The following IMMP2L variants were observed in gnomAD, a reference collection of about 807,000 sequenced individuals.
The protein encoded by IMMP2L is mitochondrial inner membrane protease subunit 2.
IMMP2L carries 18 observed loss-of-function variants against 19.3 expected under a neutral mutation model. That is an observed-to-expected ratio of 0.93 (90% confidence interval 0.64 to 1.38). The LOEUF (loss-of-function observed/expected upper bound fraction) is 1.38. Among genes scored for constraint, IMMP2L ranks in the 40% most tolerant of loss-of-function variants. IMMP2L has a pLI of 0.00. For missense variants in IMMP2L, 233 were observed against 218.2 expected, an observed-to-expected ratio of 1.07 and a Z score of -0.43; for synonymous variants, 76 against 73.0, an observed-to-expected ratio of 1.04 and a Z score of -0.21.
At chr7:111,474,743 T>C (rs1841573634) in intron 3 of IMMP2L, among the ~76,000 whole-genome samples, 2 of 152,132 alleles carry the variant, frequency 1.3e-5, no homozygotes, top group Admixed American at 1.3e-4. Flanking sequence ...TTCTTTACCT[T>C]CTTGCAACTC....
At chr7:110,845,367 G>A (rs1359402932) in intron 5 of IMMP2L, among the ~76,000 whole-genome samples, 1 of 152,142 alleles carries the variant, frequency 6.6e-6, no homozygotes, top group African/African-American at 2.4e-5. Context: ...GACAAAGGGA[G>A]TAGGATAGAG....
intron 4 of IMMP2L, among the ~76,000 whole-genome samples, chr7:110,925,726 G>A (rs559483302): frequency 6.6e-6 from 1 of 152,180 alleles, no homozygotes; most frequent in African/African-American, 2.4e-5. Flanking sequence ...ACAAAGAAAA[G>A]AGTAGACTGC....
Position 111,362,071 on chromosome 7 carries a change from T to C in IMMP2L, c.239+125167A>G, listed in dbSNP as rs575547200. Among the ~76,000 whole-genome samples the C allele has an allele frequency of 7.0e-4, 107 of 152,190 alleles. 1 individual carries two copies. The Middle Eastern group carries it at 0.021, about 29-fold the overall frequency. On this transcript the variant is annotated intron_variant, in intron 3 of 5. Transcript: ENST00000405709. Reference sequence around the variant, plus strand: ...CTGCCATTTTTATATAAAACTGTTATACCAGTCTTTTAAGAGTACCAAAGA... The same window carrying C: ...CTGCCATTTTTATATAAAACTGTTACACCAGTCTTTTAAGAGTACCAAAGA...
At chr7:110,846,328 C>T (rs1209674653) in intron 5 of IMMP2L, among the ~76,000 whole-genome samples, 2 of 150,342 alleles carry the variant, frequency 1.3e-5, no homozygotes, top group African/African-American at 2.4e-5. Flanking sequence ...TGCTTCACAG[C>T]GTCTCTCCAA....
At chr7:111,125,025 A>G in intron 3 of IMMP2L, 1 of 727,742 alleles carries the variant, frequency 1.4e-6, no homozygotes, top group Non-Finnish European at 2.2e-6. Context: ...CTTTCGAGAG[A>G]GAAGTTTAAG....
At chr7:111,435,393 G>A (rs1408395687) in intron 3 of IMMP2L, among the ~76,000 whole-genome samples, 1 of 151,842 alleles carries the variant, frequency 6.6e-6, no homozygotes, top group Admixed American at 6.6e-5. Flanking sequence ...AACATGGATA[G>A]AACTGGAGGC....
chr7:111,482,347 C>T (rs748752696), intron 3 of IMMP2L, among the ~76,000 whole-genome samples: 2 of 152,140 alleles, frequency 1.3e-5, no homozygotes, highest in Non-Finnish European at 2.9e-5. Flanking sequence ...ACAATGCTTA[C>T]TTACAGGCAT....
intron 5 of IMMP2L, among the ~76,000 whole-genome samples, chr7:110,813,492 A>G (rs1235165142): frequency 6.6e-6 from 1 of 150,824 alleles, no homozygotes. Context: ...CAGTGGTGTG[A>G]TCATAGCACA....
At chr7:110,892,876 T>G (rs1810947703) in intron 4 of IMMP2L, among the ~76,000 whole-genome samples, 1 of 152,158 alleles carries the variant, frequency 6.6e-6, no homozygotes. Context: ...ATGAAACACT[T>G]GAGTTACCCA....
At chr7:111,204,342 C>T (rs1036811962) in intron 3 of IMMP2L, among the ~76,000 whole-genome samples, 1 of 151,924 alleles carries the variant, frequency 6.6e-6, no homozygotes, top group Admixed American at 6.6e-5. Flanking sequence ...AAAACAACAA[C>T]AAAAAAATCT....
At chr7:110,771,392 A>G (rs1434098640) in intron 5 of IMMP2L, among the ~76,000 whole-genome samples, 1 of 152,108 alleles carries the variant, frequency 6.6e-6, no homozygotes, top group Non-Finnish European at 1.5e-5. Flanking sequence ...TAACAGGAGA[A>G]AGCAGGGCTG....
intron 3 of IMMP2L, among the ~76,000 whole-genome samples, chr7:111,254,312 C>T (rs2129632914): frequency 1.3e-5 from 2 of 152,092 alleles, no homozygotes; most frequent in Middle Eastern, 3.4e-3. Context: ...ATCCTAAAAA[C>T]TCTGGAATGA....
intron 5 of IMMP2L, among the ~76,000 whole-genome samples, chr7:110,848,200 T>C (rs564234660): frequency 5.1e-4 from 77 of 152,214 alleles, no homozygotes; most frequent in African/African-American, 1.6e-3. Context: ...CAAAAACTAA[T>C]TAAAACTCAA....
intron 3 of IMMP2L, among the ~76,000 whole-genome samples, chr7:111,292,326 C>T (rs1821200654): frequency 1.3e-5 from 2 of 152,160 alleles, no homozygotes; most frequent in South Asian, 4.2e-4. Flanking sequence ...AAAATCATGA[C>T]CAGGGCTTCA....
chr7:111,157,374 C>T (rs1026639612), intron 3 of IMMP2L, among the ~76,000 whole-genome samples: 4 of 152,234 alleles, frequency 2.6e-5, no homozygotes, highest in Non-Finnish European at 5.9e-5. Flanking sequence ...TACCTATACA[C>T]AGTGGAGTAC....
intron 5 of IMMP2L, among the ~76,000 whole-genome samples, chr7:110,825,145 C>A (rs193127453): frequency 5.9e-5 from 9 of 152,208 alleles, no homozygotes; most frequent in Admixed American, 5.9e-4. Context: ...TGAAGGACCT[C>A]CTCAAGGAGA....
chr7:110,981,376 C>G (rs916133993), intron 3 of IMMP2L, among the ~76,000 whole-genome samples: 2 of 151,970 alleles, frequency 1.3e-5, no homozygotes, highest in African/African-American at 4.8e-5. Flanking sequence ...GCAAATAACA[C>G]AAATCTGGTC....
chr7:110,827,745 GAA>G (rs1803634054), intron 5 of IMMP2L, among the ~76,000 whole-genome samples: 1 of 152,022 alleles, frequency 6.6e-6, no homozygotes, highest in South Asian at 2.1e-4. Context: ...TTATTCACAG[GAA>G]AAGAGTCCTT....
chr7:111,313,488 ATAAAT>A (rs757276098), intron 3 of IMMP2L, among the ~76,000 whole-genome samples: 29 of 152,172 alleles, frequency 1.9e-4, no homozygotes, highest in Admixed American at 6.5e-4. Context: ...CATTTATAAA[ATAAAT>A]TAAATATATG....
Sources: allele counts gnomAD v4.1 joint callset (sites outside exome capture counted in the v4.1 genomes callset), GRCh38; gene constraint gnomAD v4.1.1; transcripts MANE v1.5; gene names NCBI Gene and HGNC (gene_info 2026-07-23, HGNC 2026-07-21).